The following NRG3 variants were observed in gnomAD, a reference collection of about 807,000 sequenced individuals.
NRG3 encodes pro-neuregulin-3, membrane-bound isoform.
In NRG3, 31 loss-of-function variants were observed where a neutral mutation model predicts 66.9. The ratio of observed to expected loss-of-function variants is 0.46; its 90% CI spans 0.35 to 0.63. The LOEUF is 0.63. Among genes scored for constraint, NRG3 ranks in the 20% least tolerant of loss-of-function variants. The pLI is 0.00. For synonymous variants in NRG3, 393 were observed against 359.4 expected, an observed-to-expected ratio of 1.09 and a Z score of -1.06; for missense variants, 910 against 878.9, an observed-to-expected ratio of 1.04 and a Z score of -0.45.
Position 82,278,822 on chromosome 10 carries a change from C to T in NRG3, c.824-79917C>T, listed in dbSNP as rs988479172. Among the ~76,000 whole-genome samples the T allele has an allele frequency of 5.9e-5, 9 of 152,178 alleles. No individual in the cohort carries two copies. In the East Asian group the frequency reaches 1.8e-3, roughly 30 times the overall value. ...GCTAAAAAGTATTAGAAGTCGTGGC[C>T]ACCTCCTCACGGAGCTCTCTTATTT... On this transcript the variant is annotated intron_variant, in intron 1 of 8. Transcript: ENST00000372141.
At chr10:82,650,091 T>C (rs1469161149) in intron 2 of NRG3, among the ~76,000 whole-genome samples, 1 of 152,182 alleles carries the variant, frequency 6.6e-6, no homozygotes, top group African/African-American at 2.4e-5. Flanking sequence ...CTGTGAGATT[T>C]CTTGGAGTCC....
intron 1 of NRG3, among the ~76,000 whole-genome samples, chr10:82,124,849 C>A (rs2068328568): frequency 6.6e-6 from 1 of 151,854 alleles, no homozygotes; most frequent in Non-Finnish European, 1.5e-5. Flanking sequence ...AGACTATTTA[C>A]TTGACACAGC....
intron 6 of NRG3, among the ~76,000 whole-genome samples, chr10:82,966,436 A>G (rs1389458072): frequency 6.6e-6 from 1 of 152,140 alleles, no homozygotes; most frequent in Non-Finnish European, 1.5e-5. Flanking sequence ...TTCTGTAGAA[A>G]TTTTTAAAGT....
intron 1 of NRG3, among the ~76,000 whole-genome samples, chr10:82,150,528 CACAAAAAAA>C (rs1280284972): frequency 1.7e-4 from 9 of 51,724 alleles, no homozygotes; most frequent in African/African-American, 2.6e-4. Context: ...AAAGAGCACA[CACAAAAAAA>C]AAAAAAAAAA....
intron 1 of NRG3, among the ~76,000 whole-genome samples, chr10:82,292,927 A>G (rs1287184564): frequency 1.3e-5 from 2 of 152,232 alleles, no homozygotes; most frequent in Admixed American, 6.5e-5. Context: ...GTCAATGTCA[A>G]CAGCTTTCTT....
chr10:82,223,043 C>CT (rs1172426243), intron 1 of NRG3, among the ~76,000 whole-genome samples: 6 of 152,122 alleles, frequency 3.9e-5, no homozygotes, highest in Non-Finnish European at 8.8e-5. Context: ...AGAAAATCTT[C>CT]TTTTTGAGAA....
chr10:82,364,102 C>T (rs555344766), intron 2 of NRG3, among the ~76,000 whole-genome samples: 4 of 152,112 alleles, frequency 2.6e-5, no homozygotes, highest in South Asian at 2.1e-4. Flanking sequence ...ATGTAACACC[C>T]GGTTAAGAGA....
At chr10:82,194,696 C>G (rs769747850) in intron 1 of NRG3, among the ~76,000 whole-genome samples, 2 of 152,120 alleles carry the variant, frequency 1.3e-5, no homozygotes, top group Non-Finnish European at 2.9e-5. Flanking sequence ...TGGGAGGACT[C>G]TGCCTACCAA....
chr10:82,736,506 C>T (rs1003127048), intron 2 of NRG3, among the ~76,000 whole-genome samples: 1 of 152,238 alleles, frequency 6.6e-6, no homozygotes, highest in Non-Finnish European at 1.5e-5. Context: ...CCCTGGGGGG[C>T]TTCCTAGCCT....
intron 1 of NRG3, among the ~76,000 whole-genome samples, chr10:82,077,857 C>G (rs1311574856): frequency 6.6e-6 from 1 of 152,180 alleles, no homozygotes; most frequent in African/African-American, 2.4e-5. Flanking sequence ...CAAGGCCAAA[C>G]TTAAGTTCTA....
At chr10:82,507,791 G>A (rs1844821424) in intron 2 of NRG3, among the ~76,000 whole-genome samples, 1 of 152,116 alleles carries the variant, frequency 6.6e-6, no homozygotes, top group Non-Finnish European at 1.5e-5. Flanking sequence ...TAAGGAAGGG[G>A]AACATATACA....
chr10:82,036,774 A>G (rs892033165), intron 1 of NRG3, among the ~76,000 whole-genome samples: 2 of 152,072 alleles, frequency 1.3e-5, no homozygotes, highest in African/African-American at 4.8e-5. Context: ...TACATCTATA[A>G]CTAAATTCTG....
intron 2 of NRG3, among the ~76,000 whole-genome samples, chr10:82,404,332 T>A (rs2087338076): frequency 6.6e-6 from 1 of 152,080 alleles, no homozygotes; most frequent in Non-Finnish European, 1.5e-5. Flanking sequence ...GTAAGAAGCC[T>A]GGGTAGGATG....
chr10:82,753,353 C>T (rs2058950479), intron 3 of NRG3, among the ~76,000 whole-genome samples: 1 of 151,502 alleles, frequency 6.6e-6, no homozygotes, highest in Admixed American at 6.6e-5. Context: ...TGGTGATTTT[C>T]TTATTGATTT....
At chr10:82,750,433 C>A (rs1023501420) in intron 3 of NRG3, among the ~76,000 whole-genome samples, 5 of 152,030 alleles carry the variant, frequency 3.3e-5, no homozygotes, top group Non-Finnish European at 7.4e-5. Context: ...AGAACACAAA[C>A]AGAGAGAAGC....
chr10:82,219,978 G>A (rs537509359), intron 1 of NRG3, among the ~76,000 whole-genome samples: 53 of 152,030 alleles, frequency 3.5e-4, no homozygotes, highest in Non-Finnish European at 5.3e-4. Context: ...AGATATATAT[G>A]TATACACACA....
intron 3 of NRG3, among the ~76,000 whole-genome samples, chr10:82,824,900 C>T (rs1024082101): frequency 6.6e-6 from 1 of 151,866 alleles, no homozygotes; most frequent in African/African-American, 2.4e-5. Flanking sequence ...TGCTTAGAGA[C>T]AGGGTCTCAC....
chr10:81,906,341 GA>G (rs977042334), intron 1 of NRG3, among the ~76,000 whole-genome samples: 33 of 152,214 alleles, frequency 2.2e-4, no homozygotes, highest in African/African-American at 7.7e-4. Context: ...ATTTTGTCCT[GA>G]ATCACAATTG....
At chr10:82,430,018 A>C (rs1024519204) in intron 2 of NRG3, among the ~76,000 whole-genome samples, 1 of 152,084 alleles carries the variant, frequency 6.6e-6, no homozygotes, top group African/African-American at 2.4e-5. Context: ...TCTATTTAGT[A>C]CTTTTTTATA....
Sources: allele counts gnomAD v4.1 joint callset (sites outside exome capture counted in the v4.1 genomes callset), GRCh38; gene constraint gnomAD v4.1.1; transcripts MANE v1.5; gene names NCBI Gene and HGNC (gene_info 2026-07-23, HGNC 2026-07-21).